The following RAP1GDS1 variants were observed in gnomAD, a reference collection of about 807,000 sequenced individuals.
The protein encoded by RAP1GDS1 is RAP1, GTP-GDP dissociation stimulator 1.
Under a neutral mutation model 71.1 loss-of-function variants are expected in RAP1GDS1, and 35 were observed. That is an observed-to-expected ratio of 0.49 (90% confidence interval 0.38 to 0.65). The LOEUF is 0.65. Among genes scored for constraint, RAP1GDS1 ranks in the 30% least tolerant of loss-of-function variants. RAP1GDS1 has a pLI of 0.00. For synonymous variants in RAP1GDS1, 229 were observed against 243.1 expected, an observed-to-expected ratio of 0.94 and a Z score of 0.54; for missense variants, 663 against 706.1, an observed-to-expected ratio of 0.94 and a Z score of 0.69.
chr4:98,283,552 G>A lies in RAP1GDS1; in HGVS notation c.5-9856G>A, dbSNP rs180963268. Among the ~76,000 whole-genome samples the A allele has an allele frequency of 3.5e-3, 538 of 152,094 alleles. 9 individuals are homozygous for A. The highest frequency in any genetic ancestry group is 0.033 in the Admixed American group (496 of 15,242). ...AGATAAAGAATAATAGAAAATGAGC[G>A]ATAAAAAAGGACATAATTTAGATTG... On this transcript the variant is annotated intron_variant, in intron 1 of 14. Coordinates refer to ENST00000408927, the MANE Select transcript of RAP1GDS1 (RefSeq NM_001100427.2).
intron 5 of RAP1GDS1, chr4:98,379,365 G>A (rs1031988849): frequency 6.4e-5 from 34 of 535,000 alleles, no homozygotes; most frequent in Non-Finnish European, 9.8e-5. Context: ...ATTTTTGAAG[G>A]GCTGCCAGTT....
At chr4:98,436,121 G>GGT (rs2110222191) in intron 13 of RAP1GDS1, among the ~76,000 whole-genome samples, 1 of 151,866 alleles carries the variant, frequency 6.6e-6, no homozygotes, top group South Asian at 2.1e-4. Context: ...ACGAGGTTTA[G>GGT]GTTAGGGTTC....
intron 4 of RAP1GDS1, among the ~76,000 whole-genome samples, chr4:98,374,731 C>A (rs1740910649): frequency 6.6e-6 from 1 of 152,076 alleles, no homozygotes; most frequent in African/African-American, 2.4e-5. Flanking sequence ...TCTTCAAATT[C>A]CTTTAGTAGT....
intron 10 of RAP1GDS1, among the ~76,000 whole-genome samples, chr4:98,419,143 C>T (rs1240048368): frequency 6.6e-6 from 1 of 152,180 alleles, no homozygotes; most frequent in East Asian, 1.9e-4. Flanking sequence ...ACAGCCTCTA[C>T]CTTCTGAGCT....
chr4:98,327,162 C>G (rs887968967), intron 2 of RAP1GDS1, among the ~76,000 whole-genome samples: 1 of 152,032 alleles, frequency 6.6e-6, no homozygotes, highest in African/African-American at 2.4e-5. Context: ...TTTTAAAAAT[C>G]TAAAGTACAG....
intron 1 of RAP1GDS1, among the ~76,000 whole-genome samples, chr4:98,275,462 A>C (rs945836979): frequency 6.6e-6 from 1 of 152,148 alleles, no homozygotes; most frequent in African/African-American, 2.4e-5. Flanking sequence ...GTTCCAATAA[A>C]ATTTTATGGG....
At chr4:98,263,701 C>T (rs950510190) in intron 1 of RAP1GDS1, among the ~76,000 whole-genome samples, 2 of 152,192 alleles carry the variant, frequency 1.3e-5, no homozygotes, top group Non-Finnish European at 1.5e-5. Context: ...TTCAGTAAAT[C>T]TTTGGCAAAT....
At chr4:98,335,392 G>A (rs1226104489) in intron 2 of RAP1GDS1, among the ~76,000 whole-genome samples, 1 of 152,088 alleles carries the variant, frequency 6.6e-6, no homozygotes, top group Non-Finnish European at 1.5e-5. Flanking sequence ...AGTCTTCTGT[G>A]ATAGTTTTTG....
At chr4:98,418,972 G>A in intron 10 of RAP1GDS1, among the ~76,000 whole-genome samples, 181 bp downstream of exon 10, 1 of 152,186 alleles carries the variant, frequency 6.6e-6, no homozygotes, top group East Asian at 1.9e-4. Flanking sequence ...TAAGTTTTGT[G>A]AGACTGTACA....
chr4:98,382,175 A>G (rs1742116951), intron 5 of RAP1GDS1, among the ~76,000 whole-genome samples: 1 of 151,632 alleles, frequency 6.6e-6, no homozygotes, highest in Non-Finnish European at 1.5e-5. Context: ...TATGAGCTGG[A>G]TATATACTTT....
chr4:98,433,985 C>G lies in RAP1GDS1; in HGVS notation c.1490C>G (p.Thr497Ser). 1 of 1,612,610 alleles carries G rather than the reference C, an allele frequency of 6.2e-7. No individual in the cohort carries two copies. Among genetic ancestry groups the G allele is most frequent in the African/African-American group, 1.3e-5 (1 of 75,000 alleles). Residue 497 changes from threonine to serine, a missense_variant, in exon 13 of 15, where the codon ACC becomes AGC. Physicochemically the swap from Thr to Ser is moderately conservative, Grantham distance 58. Transcript: ENST00000408927. ...AGTGGTGGCATCAAGCATCTAGTTA[C>G]CATGGCAACTAGTGAACATGTAATA... ...VQSGGIKHLVTMATSEHVIMQ... is the reference protein window; with the variant it reads ...VQSGGIKHLVSMATSEHVIMQ...
At position 98,437,850 on chromosome 4, in the gene RAP1GDS1, T is replaced by G. The variant is rs115205584; in HGVS notation, c.1696+782T>G. On this transcript the variant is annotated intron_variant, in intron 14 of 14. Transcript: ENST00000408927. ...TCATTGGTATATCTTCTATGGACAT[T>G]GGCATATCTTGGTATATGTTCTATG... Among the ~76,000 whole-genome samples the G allele has an allele frequency of 7.2e-3, 1,100 of 152,132 alleles. 19 individuals carry two copies. Among genetic ancestry groups the G allele is most frequent in the African/African-American group, 0.026 (1,059 of 41,490 alleles).
chr4:98,280,759 T>C (rs1724957454), intron 1 of RAP1GDS1, among the ~76,000 whole-genome samples: 1 of 152,238 alleles, frequency 6.6e-6, no homozygotes, highest in South Asian at 2.1e-4. Context: ...CATTTAAGTC[T>C]TTAATCCATC....
At chr4:98,314,883 G>T (rs1730726008) in intron 2 of RAP1GDS1, among the ~76,000 whole-genome samples, 1 of 152,074 alleles carries the variant, frequency 6.6e-6, no homozygotes, top group Admixed American at 6.6e-5. Flanking sequence ...GTATACCGTT[G>T]TTTTTTCCTT....
At chr4:98,423,368 G>C (rs903373954) in intron 12 of RAP1GDS1, among the ~76,000 whole-genome samples, 1 of 152,220 alleles carries the variant, frequency 6.6e-6, no homozygotes, top group South Asian at 2.1e-4. Flanking sequence ...AGAACACAGA[G>C]TGTAGAAAGA....
At chr4:98,296,948 C>A in intron 2 of RAP1GDS1, 2 of 335,516 alleles carry the variant, frequency 6.0e-6, no homozygotes, top group South Asian at 4.1e-5. Context: ...GCCGGGGGGA[C>A]CATAAAGTGT....
At chr4:98,296,941 G>T (rs931095760) in intron 2 of RAP1GDS1, 2 of 337,606 alleles carry the variant, frequency 5.9e-6, no homozygotes, top group Non-Finnish European at 5.5e-6. Context: ...TTGTGTTGCC[G>T]GGGGGACCAT....
chr4:98,282,629 C>T (rs1201146449), intron 1 of RAP1GDS1, among the ~76,000 whole-genome samples: 11 of 148,840 alleles, frequency 7.4e-5, no homozygotes, highest in African/African-American at 2.7e-4. Flanking sequence ...TTCGGTTCTG[C>T]TCTGATCTTA....
At chr4:98,347,803 A>G (rs911825189) in intron 3 of RAP1GDS1, among the ~76,000 whole-genome samples, 1 of 152,120 alleles carries the variant, frequency 6.6e-6, no homozygotes, top group African/African-American at 2.4e-5. Context: ...AAATCCTTCA[A>G]AGTAGACCAT....
Sources: allele counts gnomAD v4.1 joint callset (sites outside exome capture counted in the v4.1 genomes callset), GRCh38; gene constraint gnomAD v4.1.1; transcripts MANE v1.5; gene names NCBI Gene and HGNC (gene_info 2026-07-23, HGNC 2026-07-21).